Variants in CACNA2D3 observed in about 807,000 individuals in gnomAD.
CACNA2D3 encodes the protein voltage-dependent calcium channel subunit alpha-2/delta-3.
A neutral mutation model predicts 160.6 loss-of-function variants in CACNA2D3; 60 were observed. The ratio of observed to expected loss-of-function variants is 0.37; its 90% CI spans 0.30 to 0.46. The LOEUF (loss-of-function observed/expected upper bound fraction) is 0.46. CACNA2D3 is among the 20% of genes least tolerant of loss of function. CACNA2D3 has a pLI of 1.00. For synonymous variants in CACNA2D3, 558 were observed against 492.9 expected (o/e 1.13, Z -1.75); for missense variants, 1,205 against 1,365.0 (o/e 0.88, Z 1.85).
intron 3 of CACNA2D3, among the ~76,000 whole-genome samples, chr3:54,359,385 T>G (rs569940944): frequency 6.6e-6 from 1 of 151,786 alleles, no homozygotes; most frequent in African/African-American, 2.4e-5. Context: ...GAGGTCAGAG[T>G]GTGTGTTTTG....
intron 9 of CACNA2D3, among the ~76,000 whole-genome samples, chr3:54,586,046 T>C (rs1004961310): frequency 6.6e-6 from 1 of 152,006 alleles, no homozygotes; most frequent in Non-Finnish European, 1.5e-5. Context: ...AGGCAGATCA[T>C]GGGGTCAGGA....
At chr3:54,718,678 A>C (rs1372744222) in intron 11 of CACNA2D3, among the ~76,000 whole-genome samples, 1 of 152,034 alleles carries the variant, frequency 6.6e-6, no homozygotes. Context: ...ATTTCCATGC[A>C]AATTTTAGAG....
At chr3:55,029,108 G>A (rs552996703) in intron 35 of CACNA2D3, among the ~76,000 whole-genome samples, 60 of 152,278 alleles carry the variant, frequency 3.9e-4, no homozygotes, top group African/African-American at 1.2e-3. Flanking sequence ...ACTGTTCTCA[G>A]TGAGTGCCCT....
At chr3:54,816,963 A>T in intron 14 of CACNA2D3, 93 bp downstream of exon 14, 1 of 1,434,252 alleles carries the variant, frequency 7.0e-7, no homozygotes, top group Admixed American at 2.1e-5. Flanking sequence ...GTTCATGACC[A>T]GTGAAATGGT....
chr3:54,305,143 C>T (rs1328947508), intron 2 of CACNA2D3, among the ~76,000 whole-genome samples: 2 of 152,156 alleles, frequency 1.3e-5, no homozygotes, highest in Non-Finnish European at 2.9e-5. Flanking sequence ...AGTTACACTC[C>T]TCTTTGCACA....
Position 54,239,664 on chromosome 3 carries a change from C to T in CACNA2D3, c.205-80778C>T, listed in dbSNP as rs148281024. 4.7e-3 allele frequency among the ~76,000 whole-genome samples: 717 copies of T among 152,292 alleles called. 5 individuals carry two copies. The highest frequency in any genetic ancestry group is 0.016 in the African/African-American group (672 of 41,564). Reference sequence around the variant, plus strand: ...ATGGTTCAGAATCATCACTTCACTTCCTAAAAAGCAGACAATCTGAGTTTG... The same window carrying T: ...ATGGTTCAGAATCATCACTTCACTTTCTAAAAAGCAGACAATCTGAGTTTG... On this transcript the variant is annotated intron_variant, in intron 2 of 37. Transcript: ENST00000474759.
intron 27 of CACNA2D3, among the ~76,000 whole-genome samples, chr3:54,911,140 C>A (rs1388873730): frequency 6.6e-6 from 1 of 152,060 alleles, no homozygotes; most frequent in Non-Finnish European, 1.5e-5. Context: ...ATAAGGACTT[C>A]TTTGGATTTT....
intron 2 of CACNA2D3, among the ~76,000 whole-genome samples, chr3:54,285,674 A>AC (rs1359286599): frequency 6.6e-6 from 1 of 152,046 alleles, no homozygotes; most frequent in Non-Finnish European, 1.5e-5. Flanking sequence ...ACTGGGAGGC[A>AC]CCCCCCAGTA....
At position 54,661,838 on chromosome 3, in the gene CACNA2D3, A is replaced by ATGTGTGTG. The variant is rs780111250; in HGVS notation, c.1167+19604_1167+19605insGTGTGTGT. ...TATGGTTCACACAGACATCTCAGGG[A>ATGTGTGTG]TGTGTGTATGTGTGTGTGTGTGTGT... On this transcript the variant is annotated intron_variant, in intron 11 of 37. Coordinates refer to ENST00000474759, the MANE Select transcript of CACNA2D3 (RefSeq NM_018398.3). Among the ~76,000 whole-genome samples the ATGTGTGTG allele has an allele frequency of 7.6e-4, 112 of 146,826 alleles. 1 individual carries two copies. The highest frequency in any genetic ancestry group is 5.2e-3 in the East Asian group (25 of 4,762).
At chr3:54,861,799 T>C (rs1303949183) in intron 17 of CACNA2D3, among the ~76,000 whole-genome samples, 1 of 152,242 alleles carries the variant, frequency 6.6e-6, no homozygotes, top group African/African-American at 2.4e-5. Context: ...CCACTTTCTC[T>C]GATTATACTC....
At chr3:54,948,340 G>T (rs1701668161) in intron 27 of CACNA2D3, among the ~76,000 whole-genome samples, 1 of 152,174 alleles carries the variant, frequency 6.6e-6, no homozygotes, top group Non-Finnish European at 1.5e-5. Context: ...AAAACTGGAA[G>T]ATTCTTGATA....
At chr3:54,311,012 A>G (rs567529618) in intron 2 of CACNA2D3, among the ~76,000 whole-genome samples, 1 of 152,188 alleles carries the variant, frequency 6.6e-6, no homozygotes, top group South Asian at 2.1e-4. Flanking sequence ...TGGTGTTAGG[A>G]CCGCTTGCCC....
At chr3:54,933,051 C>CCCTTCCTTCCTTCCTTCCTTCCTT (rs60554563) in intron 27 of CACNA2D3, among the ~76,000 whole-genome samples, 1 of 139,446 alleles carries the variant, frequency 7.2e-6, no homozygotes, top group African/African-American at 2.7e-5. Flanking sequence ...ATCCATCCCT[C>CCCTTCCTTCCTTCCTTCCTTCCTT]CCTTCCTTCC....
At chr3:54,424,206 T>A (rs1475393662) in intron 4 of CACNA2D3, among the ~76,000 whole-genome samples, 1 of 152,194 alleles carries the variant, frequency 6.6e-6, no homozygotes, top group Non-Finnish European at 1.5e-5. Flanking sequence ...GCCTATAGAT[T>A]ATGTAACCAG....
intron 4 of CACNA2D3, among the ~76,000 whole-genome samples, chr3:54,491,697 C>T (rs1398116070): frequency 6.6e-6 from 1 of 152,182 alleles, no homozygotes; most frequent in Non-Finnish European, 1.5e-5. Context: ...AACACAGCCA[C>T]ACCCATTTTT....
chr3:54,868,692 A>G (rs1306665), intron 17 of CACNA2D3, among the ~76,000 whole-genome samples: 98,524 of 151,772 alleles, frequency 0.65, 32,863 homozygotes, highest in East Asian at 0.87. Flanking sequence ...GCAGAGACAT[A>G]TGAATGTGAT....
chr3:55,068,820 A>G (rs1704729932), intron 35 of CACNA2D3, among the ~76,000 whole-genome samples: 1 of 152,174 alleles, frequency 6.6e-6, no homozygotes, highest in Non-Finnish European at 1.5e-5. Flanking sequence ...TACCAAGAGC[A>G]TCTTTGTACA....
chr3:54,806,025 A>G (rs1388653669), intron 13 of CACNA2D3, among the ~76,000 whole-genome samples: 3 of 152,222 alleles, frequency 2.0e-5, no homozygotes, highest in African/African-American at 7.2e-5. Flanking sequence ...AAAACTCTCA[A>G]TAAATTAGGT....
intron 2 of CACNA2D3, among the ~76,000 whole-genome samples, chr3:54,229,535 A>T (rs757645752): frequency 2.6e-5 from 4 of 151,752 alleles, no homozygotes; most frequent in Non-Finnish European, 5.9e-5. Flanking sequence ...GGGTCTTGCC[A>T]TGTTGCCTAG....
Sources: gnomAD v4.1 joint callset for allele counts (sites outside exome capture counted in the v4.1 genomes callset) on GRCh38, gnomAD v4.1.1 for gene constraint, MANE v1.5 for transcripts, NCBI Gene and HGNC (gene_info 2026-07-23, HGNC 2026-07-21) for gene names.